Variants in TRMT10A observed in about 807,000 individuals in gnomAD.
TRMT10A encodes tRNA methyltransferase 10 homolog A.
In TRMT10A, 37 loss-of-function variants were observed where a neutral mutation model predicts 40.4. That is an observed-to-expected ratio of 0.92 (90% CI 0.71 to 1.21). The LOEUF (loss-of-function observed/expected upper bound fraction) is 1.21, where lower values mean the gene tolerates loss of function less well. Among genes scored for constraint, TRMT10A ranks in the 50% most tolerant of loss-of-function variants. The pLI is 0.00. For synonymous variants in TRMT10A, 103 were observed against 134.1 expected, an observed-to-expected ratio of 0.77 and a Z score of 1.60; for missense variants, 388 against 404.3, an observed-to-expected ratio of 0.96 and a Z score of 0.35.
intron 1 of TRMT10A, chr4:99,563,627 G>A: frequency 3.7e-6 from 1 of 273,344 alleles, no homozygotes; most frequent in Non-Finnish European, 7.4e-6. Flanking sequence ...CCACGGGGCG[G>A]AGCCTCGCCC....
rs1309457884 is a variant in TRMT10A, at chr4:99,546,824, T to C, written c.*2264A>G. 2 of 152,110 alleles carry C rather than the reference T, an allele frequency of 1.3e-5. No individual in the cohort carries two copies. Among genetic ancestry groups the C allele is most frequent in the Non-Finnish European group, 2.9e-5 (2 of 68,014 alleles). 9.4% of individuals were successfully genotyped at this position (152,110 alleles called of 1,614,324 possible). The stretch of plus-strand genomic sequence containing the variant: ...AAATAACCTAAATAAACCAAAACAA[T>C]GTTGAGAGAAAAGTATACATGCAAA... On this transcript the variant is annotated 3_prime_UTR_variant, in exon 8 of 8. Coordinates refer to ENST00000394876, the MANE Select transcript of TRMT10A (RefSeq NM_001134665.3).
Position 99,558,073 on chromosome 4 carries a change from A to C in TRMT10A, c.324T>G (p.Ser108Arg). The C allele has an allele frequency of 6.2e-7, 1 of 1,603,128 alleles. No homozygotes were observed. The highest frequency in any genetic ancestry group is 8.5e-7 in the Non-Finnish European group (1 of 1,176,838). ...CCTTTAATACCATCAAGTGATCAAA[A>C]CTACAGTCAATAATAAGGCGAAGGG... ...HSTLRLIIDC[S>R]FDHLMVLKDI... The change falls in exon 3 of 8, where the codon AGT becomes AGG. Residue 108 changes from serine (S) to arginine (R), a missense_variant. Coordinates refer to ENST00000394876, the MANE Select transcript of TRMT10A (RefSeq NM_001134665.3).
chr4:99,560,489 G>A (rs192953133), intron 1 of TRMT10A, among the ~76,000 whole-genome samples: 5 of 151,846 alleles, frequency 3.3e-5, no homozygotes, highest in Non-Finnish European at 5.9e-5. Flanking sequence ...ATAATATGGA[G>A]GAGCAGTAAA....
intron 5 of TRMT10A, among the ~76,000 whole-genome samples, chr4:99,555,137 C>G (rs1724116597): frequency 6.6e-6 from 1 of 152,124 alleles, no homozygotes; most frequent in Non-Finnish European, 1.5e-5. Context: ...TAACAAGTCG[C>G]AAAATAACTG....
intron 7 of TRMT10A, among the ~76,000 whole-genome samples, chr4:99,550,002 T>G (rs1032220839): frequency 6.6e-6 from 1 of 152,210 alleles, no homozygotes; most frequent in Non-Finnish European, 1.5e-5. Flanking sequence ...TAATAAGTAG[T>G]TGTGTATTGA....
intron 4 of TRMT10A, 97 bp from the exon 5 acceptor site, chr4:99,556,317 C>A: frequency 9.1e-7 from 1 of 1,093,354 alleles, no homozygotes; most frequent in Admixed American, 2.7e-5. Flanking sequence ...ATCAATGAAA[C>A]ACAAAATATA....
chr4:99,551,510 T>C (rs1480144874), intron 6 of TRMT10A, among the ~76,000 whole-genome samples: 3 of 152,174 alleles, frequency 2.0e-5, no homozygotes. Context: ...ACTCATGTGT[T>C]TGTGGTGATG....
intron 1 of TRMT10A, chr4:99,563,657 C>T (rs35992230): frequency 0.053 from 17,567 of 333,370 alleles, 801 homozygotes; most frequent in African/African-American, 0.15. Context: ...TCTAGGCTCC[C>T]AGCCAGCAAA....
chr4:99,561,378 T>C (rs1467347511), intron 1 of TRMT10A, among the ~76,000 whole-genome samples: 1 of 152,168 alleles, frequency 6.6e-6, no homozygotes, highest in East Asian at 1.9e-4. Flanking sequence ...TGACCTGTCA[T>C]AGTACATTAA....
intron 4 of TRMT10A, among the ~76,000 whole-genome samples, chr4:99,557,093 G>C (rs376696425): frequency 3.9e-5 from 6 of 152,092 alleles, no homozygotes; most frequent in African/African-American, 1.2e-4. Context: ...CCACAATGAA[G>C]ATATCAACTA....
chr4:99,562,245 A>G (rs954137350), intron 1 of TRMT10A, among the ~76,000 whole-genome samples: 2 of 146,664 alleles, frequency 1.4e-5, no homozygotes, highest in Non-Finnish European at 3.0e-5. Context: ...ACTCCTGCAT[A>G]AAATTTTAAA....
intron 5 of TRMT10A, among the ~76,000 whole-genome samples, chr4:99,554,722 C>CAAAAAAAAAAAA (rs532448105): frequency 9.9e-5 from 9 of 90,758 alleles, no homozygotes; most frequent in Admixed American, 2.7e-4. Flanking sequence ...GACTACGTTT[C>CAAAAAAAAAAAA]AAAAAAAAAA....
chr4:99,553,564 T>C lies in TRMT10A; in HGVS notation c.645+221A>G, dbSNP rs112645984. On this transcript the variant is annotated intron_variant, in intron 6 of 7. Coordinates refer to ENST00000394876, the MANE Select transcript of TRMT10A (RefSeq NM_001134665.3). ...TAATTTCTCTGTGCCATGAATTCCT[T>C]ACTTGTGGAACGTAAATAATAATAG... Among the ~76,000 whole-genome samples, 577 of 152,296 alleles carry C rather than the reference T, an allele frequency of 3.8e-3. 5 individuals are homozygous for C. The highest frequency in any genetic ancestry group is 0.013 in the African/African-American group (541 of 41,574).
intron 2 of TRMT10A, among the ~76,000 whole-genome samples, chr4:99,558,423 T>C (rs367826045): frequency 6.6e-6 from 1 of 152,218 alleles, no homozygotes; most frequent in African/African-American, 2.4e-5. Context: ...AAAAATGATC[T>C]AAAGCTTTCT....
At position 99,563,986 on chromosome 4, in the gene TRMT10A, G is replaced by A. The variant is rs971108528; in HGVS notation, c.-97C>T. ...CTGGGTTGGCCTGGTTACGGCTCAC[G>A]CTTCCTTCCACAGAAACTTCAATTC... On this transcript the variant is annotated 5_prime_UTR_variant, in exon 1 of 8. Coordinates refer to ENST00000394876, the MANE Select transcript of TRMT10A (RefSeq NM_001134665.3). The A allele has an allele frequency of 7.2e-7, 1 of 1,386,386 alleles. No individual in the cohort carries two copies. Among genetic ancestry groups the A allele is most frequent in the South Asian group, 1.2e-5 (1 of 80,436 alleles). 85.9% of individuals were successfully genotyped at this position (1,386,386 alleles called of 1,614,324 possible).
At chr4:99,559,432 T>C in intron 1 of TRMT10A, 71 bp from the exon 2 acceptor site, 1 of 992,614 alleles carries the variant, frequency 1.0e-6, no homozygotes, top group Non-Finnish European at 1.4e-6. Context: ...ATGATTAAAG[T>C]TAAACCATAA....
At chr4:99,556,055 G>T in intron 5 of TRMT10A, 91 bp downstream of exon 5, 1 of 1,137,782 alleles carries the variant, frequency 8.8e-7, no homozygotes, top group Non-Finnish European at 1.3e-6. Flanking sequence ...GTTGTATTAA[G>T]TAGCATTATA....
At position 99,549,108 on chromosome 4, in the gene TRMT10A, CT is replaced by C. The variant is rs1723857283; in HGVS notation, c.999del (p.Val334Ter). ...TAACATTAGTGTGGCAGAGAGTTCA[CT>C]GTAGATTCAGTGTGATTTTCCTTAT... Reference protein sequence around the residue: ...KQDKENHTESTVNSLPH With the variant: ...KQDKENHTESXVNSLPH On this transcript the variant is annotated frameshift_variant, in exon 8 of 8. Coordinates refer to ENST00000394876, the MANE Select transcript of TRMT10A (RefSeq NM_001134665.3). LOFTEE classifies it low-confidence loss of function (END_TRUNC). The C allele has an allele frequency of 6.2e-7, 1 of 1,613,922 alleles. No individual in the cohort carries two copies. The highest frequency in any genetic ancestry group is 1.3e-5 in the African/African-American group (1 of 74,890).
At chr4:99,552,845 G>GA (rs1488636142) in intron 6 of TRMT10A, among the ~76,000 whole-genome samples, 1 of 151,768 alleles carries the variant, frequency 6.6e-6, no homozygotes, top group Non-Finnish European at 1.5e-5. Flanking sequence ...GAGTACAGGA[G>GA]AAAGAAAAGC....
Sources: gnomAD v4.1 joint callset for allele counts (sites outside exome capture counted in the v4.1 genomes callset) on GRCh38, gnomAD v4.1.1 for gene constraint, MANE v1.5 for transcripts, NCBI Gene and HGNC (gene_info 2026-07-23, HGNC 2026-07-21) for gene names.